TANC2: variants seen among roughly 807,000 people sequenced by gnomAD.
TANC2 encodes the protein protein TANC2.
Under a neutral mutation model 210.5 loss-of-function variants are expected in TANC2, and 26 were observed. That is an observed-to-expected ratio of 0.12 (90% confidence interval 0.09 to 0.17). The LOEUF (loss-of-function observed/expected upper bound fraction) is 0.17, where lower values mean the gene tolerates loss of function less well. TANC2 is among the 10% of genes least tolerant of loss of function. TANC2 has a pLI of 1.00. For synonymous variants in TANC2, 931 were observed against 967.1 expected (o/e 0.96, Z 0.69); for missense variants, 2,129 against 2,608.9 (o/e 0.82, Z 4.01).
At chr17:63,272,535 ATTAC>A (rs2043743733) in intron 9 of TANC2, among the ~76,000 whole-genome samples, 1 of 152,148 alleles carries the variant, frequency 6.6e-6, no homozygotes, top group East Asian at 1.9e-4. Flanking sequence ...AATCTTACCA[ATTAC>A]TTTTGGCAGT....
intron 5 of TANC2, 151 bp from the exon 6 acceptor site, chr17:63,193,840 G>T (rs2041259762): frequency 4.1e-6 from 3 of 726,844 alleles, no homozygotes; most frequent in Non-Finnish European, 4.0e-6. Context: ...TATATTGGGA[G>T]TGAGTAGTCC....
At chr17:63,124,731 A>T (rs1035407906) in intron 4 of TANC2, among the ~76,000 whole-genome samples, 2 of 152,192 alleles carry the variant, frequency 1.3e-5, no homozygotes, top group Non-Finnish European at 2.9e-5. Flanking sequence ...GCAGGATGTG[A>T]GCCTGCAGGC....
At chr17:63,374,069 C>A (rs1379251847) in intron 14 of TANC2, among the ~76,000 whole-genome samples, 1 of 134,668 alleles carries the variant, frequency 7.4e-6, no homozygotes, top group Non-Finnish European at 1.5e-5. Flanking sequence ...CAGGGCCTCG[C>A]TGTGTTGCCC....
At chr17:63,346,701 A>G (rs2046422224) in intron 12 of TANC2, among the ~76,000 whole-genome samples, 4 of 152,056 alleles carry the variant, frequency 2.6e-5, no homozygotes, top group African/African-American at 7.2e-5. Context: ...TTGGAAAACT[A>G]TTTGTCAGTT....
chr17:62,988,869 C>T (rs751876633), intron 1 of TANC2, among the ~76,000 whole-genome samples: 2 of 152,148 alleles, frequency 1.3e-5, no homozygotes, highest in Non-Finnish European at 2.9e-5. Context: ...GAGCATTAGA[C>T]ACCAAAAGAA....
At position 63,212,141 on chromosome 17, in the gene TANC2, G is replaced by A. The variant is rs1471859857; in HGVS notation, c.769+11184G>A. Among the ~76,000 whole-genome samples, 7 of 152,068 alleles carry A rather than the reference G, an allele frequency of 4.6e-5. No homozygotes were observed. The East Asian group carries it at 1.4e-3, about 29-fold the overall frequency. On this transcript the variant is annotated intron_variant, in intron 7 of 27. Coordinates refer to ENST00000689528, the Ensembl canonical transcript of TANC2. Reference sequence around the variant, plus strand: ...GAGAACATGCAGTGTTTGGTTTTCTGTCCTTGTGATAGTTTGCTGAGAACA... The same window carrying A: ...GAGAACATGCAGTGTTTGGTTTTCTATCCTTGTGATAGTTTGCTGAGAACA...
intron 4 of TANC2, among the ~76,000 whole-genome samples, chr17:63,110,484 A>G (rs2037993681): frequency 6.6e-6 from 1 of 151,738 alleles, no homozygotes; most frequent in African/African-American, 2.4e-5. Flanking sequence ...CTATTTTCTC[A>G]CAGTTCTGGT....
At chr17:63,066,138 CAG>C (rs1313218545) in intron 2 of TANC2, among the ~76,000 whole-genome samples, 1 of 152,100 alleles carries the variant, frequency 6.6e-6, no homozygotes, top group Non-Finnish European at 1.5e-5. Context: ...CCTTGGCCCT[CAG>C]GGTCAGGCCT....
chr17:63,160,325 AG>A (rs1475407709), intron 5 of TANC2, among the ~76,000 whole-genome samples: 1 of 152,204 alleles, frequency 6.6e-6, no homozygotes, highest in Non-Finnish European at 1.5e-5. Context: ...GCATTGCTTG[AG>A]GCCAGGAGTT....
chr17:63,240,922 T>C (rs2042757427), intron 8 of TANC2, among the ~76,000 whole-genome samples: 2 of 152,220 alleles, frequency 1.3e-5, no homozygotes, highest in African/African-American at 4.8e-5. Flanking sequence ...ATTGTGTATA[T>C]GTGTTGGTCT....
chr17:63,028,586 A>T (rs1474953103), intron 2 of TANC2, among the ~76,000 whole-genome samples: 1 of 152,168 alleles, frequency 6.6e-6, no homozygotes, highest in Non-Finnish European at 1.5e-5. Context: ...ATCTCGGGTG[A>T]TAAGAATATT....
chr17:63,392,595 C>T (rs1017368436), intron 17 of TANC2, among the ~76,000 whole-genome samples: 1 of 152,194 alleles, frequency 6.6e-6, no homozygotes, highest in African/African-American at 2.4e-5. Flanking sequence ...TTCAGATTCT[C>T]ATCTCATCTA....
intron 2 of TANC2, among the ~76,000 whole-genome samples, chr17:63,044,761 T>C (rs531874362): frequency 2.0e-5 from 3 of 152,326 alleles, no homozygotes; most frequent in Admixed American, 1.3e-4. Flanking sequence ...TCTTCCTTTT[T>C]CTCAGTCTGG....
At chr17:63,267,685 C>T (rs949616619) in intron 8 of TANC2, 63 bp from the exon 9 acceptor site, 1 of 1,552,462 alleles carries the variant, frequency 6.4e-7, no homozygotes, top group Non-Finnish European at 8.7e-7. Context: ...TCCGGAGATA[C>T]AGACTAGCTG....
intron 8 of TANC2, among the ~76,000 whole-genome samples, chr17:63,243,914 T>A (rs2042845919): frequency 6.6e-6 from 1 of 152,192 alleles, no homozygotes; most frequent in Non-Finnish European, 1.5e-5. Flanking sequence ...AATTTAACCA[T>A]GTCAATTAAG....
intron 9 of TANC2, among the ~76,000 whole-genome samples, chr17:63,280,251 G>T (rs954308567): frequency 9.2e-5 from 14 of 152,102 alleles, no homozygotes; most frequent in Non-Finnish European, 1.8e-4. Flanking sequence ...CCACGATTCT[G>T]TTACACTCTC....
chr17:63,261,788 A>T (rs2043364810), intron 8 of TANC2, among the ~76,000 whole-genome samples: 1 of 152,244 alleles, frequency 6.6e-6, no homozygotes, highest in Non-Finnish European at 1.5e-5. Flanking sequence ...TCCAAACTAT[A>T]CATGTTTGAA....
At position 63,374,975 on chromosome 17, in the gene TANC2, TAC is replaced by T. The variant is rs1413437358; in HGVS notation, c.2583-4742_2583-4741del. Among the ~76,000 whole-genome samples, 16 of 152,226 alleles carry T rather than the reference TAC, an allele frequency of 1.1e-4. 1 individual carries two copies. In the East Asian group the frequency reaches 3.1e-3, roughly 29 times the overall value. On this transcript the variant is annotated intron_variant, in intron 14 of 27. Coordinates refer to ENST00000689528, the Ensembl canonical transcript of TANC2. ...AAATATAGGAGAGGGGGGAAATAGC[TAC>T]TACGTTTTATGCCTGAGTAACTGGC...
At chr17:63,376,760 G>T (rs1009113663) in intron 14 of TANC2, among the ~76,000 whole-genome samples, 3 of 151,926 alleles carry the variant, frequency 2.0e-5, no homozygotes, top group East Asian at 3.9e-4. Context: ...TCATCTGAAG[G>T]TGTGAGTCCA....
Sources: gnomAD v4.1 joint callset for allele counts (sites outside exome capture counted in the v4.1 genomes callset) on GRCh38, gnomAD v4.1.1 for gene constraint, MANE v1.5 for transcripts, NCBI Gene and HGNC (gene_info 2026-07-23, HGNC 2026-07-21) for gene names.